The following CDC25C variants were observed in gnomAD, a reference collection of about 807,000 sequenced individuals.
The protein encoded by CDC25C is cell division cycle 25C.
A neutral mutation model predicts 52.5 loss-of-function variants in CDC25C; 48 were observed. The ratio of observed to expected loss-of-function variants is 0.91; its 90% CI spans 0.72 to 1.16. The LOEUF (loss-of-function observed/expected upper bound fraction) is 1.16, where lower values mean the gene tolerates loss of function less well. CDC25C is among the 50% of genes most tolerant of loss of function. The probability of loss-of-function intolerance (pLI) is 0.00; values close to 1 mark genes in which losing one functional copy is unlikely to be tolerated. For missense variants in CDC25C, 510 were observed against 566.1 expected, an observed-to-expected ratio of 0.90 and a Z score of 1.01; for synonymous variants, 187 against 206.5, an observed-to-expected ratio of 0.91 and a Z score of 0.81.
At position 138,287,272 on chromosome 5, in the gene CDC25C, A is replaced by G; in HGVS notation, c.928-5T>C. The G allele has an allele frequency of 6.2e-7, 1 of 1,607,464 alleles. No homozygotes were observed. Among genetic ancestry groups the G allele is most frequent in the Non-Finnish European group, 8.5e-7 (1 of 1,173,984 alleles). ...CCCCGACAGTAAGGCAGCCACCTGG[A>G]CAGAAACAATGACTGAATATTCTGC... is the stretch of plus-strand genomic sequence containing the variant. On this transcript the variant is annotated splice_region_variant and splice_polypyrimidine_tract_variant and intron_variant, in intron 10 of 13. Coordinates refer to ENST00000323760, the MANE Select transcript of CDC25C (RefSeq NM_001790.5).
At chr5:138,302,120 G>C (rs1161511622) in intron 7 of CDC25C, among the ~76,000 whole-genome samples, 1 of 151,228 alleles carries the variant, frequency 6.6e-6, no homozygotes, top group African/African-American at 2.4e-5. Context: ...TCAGCCTCTC[G>C]AGTAGCTGGT....
Position 138,328,472 on chromosome 5 carries a change from A to G in CDC25C, c.335+12T>C. 2 of 1,613,178 alleles carry G rather than the reference A, an allele frequency of 1.2e-6. No individual in the cohort carries two copies. Among genetic ancestry groups the G allele is most frequent in the South Asian group, 2.2e-5 (2 of 91,060 alleles). ...GGCTTTTGTGTGGGGTTCATTTAAC[A>G]ACAGAACTTACATCCCAGCTAAATG... On this transcript the variant is annotated intron_variant, in intron 4 of 13. Transcript: ENST00000323760.
At chr5:138,304,338 T>A (rs1050480488) in intron 7 of CDC25C, among the ~76,000 whole-genome samples, 1 of 123,318 alleles carries the variant, frequency 8.1e-6, no homozygotes, top group Admixed American at 7.9e-5. Flanking sequence ...TGGCTTTTTT[T>A]TTTTTTTTTT....
At chr5:138,297,322 A>G (rs926589122) in intron 7 of CDC25C, among the ~76,000 whole-genome samples, 1 of 152,102 alleles carries the variant, frequency 6.6e-6, no homozygotes, top group African/African-American at 2.4e-5. Context: ...CGGCCTCCCA[A>G]AGTGCTAGGA....
chr5:138,332,535 G>A (rs1272206247), upstream of CDC25C, among the ~76,000 whole-genome samples: 1 of 152,120 alleles, frequency 6.6e-6, no homozygotes, highest in African/African-American at 2.4e-5. Context: ...TCAAAGATTG[G>A]TTATTAATGA....
chr5:138,311,291 C>T (rs1314677253), intron 7 of CDC25C, among the ~76,000 whole-genome samples: 2 of 152,144 alleles, frequency 1.3e-5, no homozygotes, highest in Non-Finnish European at 2.9e-5. Flanking sequence ...AACTATAAAA[C>T]TCTTTAAAGA....
At chr5:138,308,135 G>C (rs1400719830) in intron 7 of CDC25C, among the ~76,000 whole-genome samples, 2 of 152,088 alleles carry the variant, frequency 1.3e-5, no homozygotes, top group Non-Finnish European at 2.9e-5. Flanking sequence ...TTCCTAACAG[G>C]CCATGGACCT....
At chr5:138,317,145 C>T (rs1758940017) in intron 7 of CDC25C, among the ~76,000 whole-genome samples, 1 of 152,088 alleles carries the variant, frequency 6.6e-6, no homozygotes, top group East Asian at 1.9e-4. Flanking sequence ...GTCCTAGCTA[C>T]TCAGGAGGCT....
upstream of CDC25C, chr5:138,331,814 C>CTCTGA: frequency 1.0e-6 from 1 of 986,048 alleles, no homozygotes; most frequent in Non-Finnish European, 1.2e-6. Flanking sequence ...TATCAACAGC[C>CTCTGA]GCAGGCGTTG....
intron 7 of CDC25C, among the ~76,000 whole-genome samples, chr5:138,314,151 A>T (rs1004657293): frequency 1.3e-5 from 2 of 151,660 alleles, no homozygotes; most frequent in Non-Finnish European, 2.9e-5. Context: ...GCCCAACACC[A>T]TGCCCAGCTA....
intron 3 of CDC25C, chr5:138,328,907 C>A: frequency 5.7e-6 from 1 of 175,924 alleles, no homozygotes; most frequent in African/African-American, 2.4e-5. Context: ...TAGTTGACAA[C>A]ATATTTCTTT....
rs1187007571 is a variant in CDC25C, at chr5:138,290,715, G to A, written c.788C>T (p.Ser263Phe). The A allele has an allele frequency of 6.8e-6, 11 of 1,608,174 alleles. No homozygotes were observed. The highest frequency in any genetic ancestry group is 4.0e-5 in the African/African-American group (3 of 74,822). The change falls in exon 9 of 14, where the codon TCT (serine) becomes TTT (phenylalanine). Residue 263 changes from serine (S) to phenylalanine (F), a missense_variant. By Grantham distance (155) the Ser-to-Phe change is radical (BLOSUM62 -2). Transcript: ENST00000323760. Reference protein sequence around the residue: ...RKGLCLKKTVSLCDITITQML... With the variant: ...RKGLCLKKTVFLCDITITQML... ...CTGAGTGATAGTAATGTCACACAGA[G>A]AGACTGTCTTCTTTAAACATAAGCC...
At chr5:138,331,854 C>T, upstream of CDC25C, 1 of 985,890 alleles carries the variant, frequency 1.0e-6, no homozygotes, top group African/African-American at 1.7e-5. Flanking sequence ...AGCCCAGTAA[C>T]CTATCCCCGC....
At chr5:138,333,495 G>A (rs1199338983), upstream of CDC25C, 1 of 152,250 alleles carries the variant, frequency 6.6e-6, no homozygotes, top group African/African-American at 2.4e-5. Flanking sequence ...CAGACAGTGA[G>A]TGTAGGAGTT....
chr5:138,306,847 T>G (rs1217521030), intron 7 of CDC25C, among the ~76,000 whole-genome samples: 1 of 151,834 alleles, frequency 6.6e-6, no homozygotes, highest in Non-Finnish European at 1.5e-5. Flanking sequence ...TCCTTTTCTT[T>G]TTTTTTTCCT....
exon 1 of CDC25C, chr5:138,338,147 G>C (rs1760848534): frequency 7.8e-7 from 1 of 1,289,794 alleles, no homozygotes; most frequent in Non-Finnish European, 1.0e-6. Context: ...ACGGAGCTGC[G>C]CCCTCCATGG....
upstream of CDC25C, among the ~76,000 whole-genome samples, chr5:138,334,186 G>A (rs1425845735): frequency 1.3e-5 from 2 of 151,936 alleles, no homozygotes; most frequent in Non-Finnish European, 2.9e-5. Flanking sequence ...CACCCACCTC[G>A]GCCTCCCAAA....
At chr5:138,297,312 C>T (rs111246576) in intron 7 of CDC25C, among the ~76,000 whole-genome samples, 20,471 of 152,132 alleles carry the variant, frequency 0.13, 1,650 homozygotes, top group South Asian at 0.23. Context: ...CGGCCCACCT[C>T]GGCCTCCCAA....
In CDC25C at chr5:138,329,875, C is replaced by T. The variant is rs951803244; in HGVS notation, c.195-228G>A. On this transcript the variant is annotated intron_variant, in intron 2 of 13. Coordinates refer to ENST00000323760, the MANE Select transcript of CDC25C (RefSeq NM_001790.5). Reference sequence around the variant, plus strand: ...CCTCCCAAATAGCTGGGATCACAGGCGCCTGCCACCACGCCCAGCTAATTT... The same window carrying T: ...CCTCCCAAATAGCTGGGATCACAGGTGCCTGCCACCACGCCCAGCTAATTT... 3.9e-5 allele frequency among the ~76,000 whole-genome samples: 6 copies of T among 152,016 alleles called. No individual in the cohort carries two copies. In the East Asian group the frequency reaches 5.8e-4, roughly 15 times the overall value.
Sources: gnomAD v4.1 joint callset for allele counts (sites outside exome capture counted in the v4.1 genomes callset) on GRCh38, gnomAD v4.1.1 for gene constraint, MANE v1.5 for transcripts, NCBI Gene and HGNC (gene_info 2026-07-23, HGNC 2026-07-21) for gene names.